Variants in AACS observed in about 807,000 individuals in gnomAD.
AACS encodes the protein acetoacetate-CoA ligase.
A neutral mutation model predicts 83.1 loss-of-function variants in AACS; 69 were observed. The observed-to-expected ratio is 0.83, with a 90% CI of 0.68 to 1.01. The LOEUF (loss-of-function observed/expected upper bound fraction) is 1.01. AACS is among the 50% of genes least tolerant of loss of function. AACS has a pLI of 0.00. For missense variants in AACS, 866 were observed against 882.2 expected, an observed-to-expected ratio of 0.98 and a Z score of 0.23; for synonymous variants, 333 against 343.4, an observed-to-expected ratio of 0.97 and a Z score of 0.33.
chr12:125,135,173 C>T (rs369216557), intron 16 of AACS, among the ~76,000 whole-genome samples: 2 of 150,372 alleles, frequency 1.3e-5, no homozygotes, highest in East Asian at 3.9e-4. Context: ...CTCGCTGTGT[C>T]ACCCAGGCTG....
intron 17 of AACS, chr12:125,138,473 G>A (rs1957431379): frequency 6.6e-6 from 1 of 152,142 alleles, no homozygotes; most frequent in African/African-American, 2.4e-5. Flanking sequence ...AATCAGTGCT[G>A]TCTTATCTGG....
chr12:125,131,561 T>C (rs1364408519), intron 14 of AACS, among the ~76,000 whole-genome samples: 1 of 152,136 alleles, frequency 6.6e-6, no homozygotes, highest in Non-Finnish European at 1.5e-5. Context: ...TGTGAATAAA[T>C]GAATAATGAG....
intron 5 of AACS, among the ~76,000 whole-genome samples, chr12:125,092,264 G>A (rs1471454233): frequency 6.6e-6 from 1 of 152,218 alleles, no homozygotes; most frequent in Non-Finnish European, 1.5e-5. Flanking sequence ...GTCCCTGACC[G>A]CTCCTCCTGG....
rs1189962745 is a variant in AACS, at chr12:125,103,094, ATTC to A, written c.767+15_767+17del. 6.2e-7 allele frequency: 1 copy of A among 1,611,790 alleles called. No homozygotes were observed. The highest frequency in any genetic ancestry group is 8.5e-7 in the Non-Finnish European group (1 of 1,178,798). ...AGATTCCAAACAGGTAATGTACCGC[ATTC>A]TGACCCACAGGTCCGTGTGGACCCA... is the stretch of plus-strand genomic sequence containing the variant. On this transcript the variant is annotated intron_variant, in intron 7 of 17. Coordinates refer to ENST00000316519, the MANE Select transcript of AACS (RefSeq NM_023928.5).
chr12:125,090,349 C>G (rs959003126), intron 4 of AACS, among the ~76,000 whole-genome samples: 4 of 151,224 alleles, frequency 2.6e-5, no homozygotes, highest in Admixed American at 6.6e-5. Context: ...CTCCACCTAC[C>G]CATTTATCCG....
In AACS at chr12:125,102,373, C is replaced by T. The variant is rs540952573; in HGVS notation, c.571-306C>T. On this transcript the variant is annotated intron_variant, in intron 5 of 17. Transcript: ENST00000316519. ...CCTCATCGACTTTCTTTATTGGCTA[C>T]GGGTGCTGGGGACACAGGGACCTGG... 25 of 296,272 alleles carry T rather than the reference C, an allele frequency of 8.4e-5. 1 individual carries two copies. Among genetic ancestry groups the T allele is most frequent in the South Asian group, 2.5e-4 (7 of 28,434 alleles). The allele number at this position is 296,272 out of a possible 1,614,324, so 18.4% of individuals were successfully genotyped here. A position where few individuals can be genotyped will look rare whatever the true frequency, so the allele number is the denominator to read the frequency against.
chr12:125,109,454 G>A (rs1284340307), intron 8 of AACS, among the ~76,000 whole-genome samples: 2 of 152,108 alleles, frequency 1.3e-5, no homozygotes, highest in South Asian at 2.1e-4. Context: ...AGCCTCTTTC[G>A]CCTTCTTTCT....
chr12:125,074,304 C>A (rs774588254), intron 2 of AACS, among the ~76,000 whole-genome samples: 1 of 152,060 alleles, frequency 6.6e-6, no homozygotes, highest in African/African-American at 2.4e-5. Context: ...ATAATCCCAG[C>A]ACTCTGACAG....
intron 17 of AACS, 110 bp downstream of exon 17, chr12:125,136,974 C>G: frequency 8.6e-7 from 1 of 1,156,788 alleles, no homozygotes; most frequent in Non-Finnish European, 1.2e-6. Context: ...TATCGTTTGT[C>G]CACGTTGCCT....
chr12:125,125,894 G>A (rs137967534), intron 12 of AACS: 3 of 152,146 alleles, frequency 2.0e-5, no homozygotes, highest in African/African-American at 7.2e-5. Flanking sequence ...GGTATATATG[G>A]ATGTGTACAT....
At chr12:125,088,219 G>A (rs987203175) in intron 4 of AACS, among the ~76,000 whole-genome samples, 1 of 150,344 alleles carries the variant, frequency 6.7e-6, no homozygotes, top group Non-Finnish European at 1.5e-5. Context: ...GATCATCAGA[G>A]CAGACTTTTT....
At chr12:125,104,913 C>T (rs1956799679) in intron 7 of AACS, among the ~76,000 whole-genome samples, 1 of 150,216 alleles carries the variant, frequency 6.7e-6, no homozygotes, top group Non-Finnish European at 1.5e-5. Context: ...GTGCCAGCAT[C>T]TGCTTCTGGG....
rs1352313339 is a variant in AACS at position 125,142,123 on chromosome 12, C to T, written c.1913C>T (p.Ala638Val). 3 of 1,614,008 alleles carry T rather than the reference C, an allele frequency of 1.9e-6. No individual in the cohort carries two copies. Among genetic ancestry groups the T allele is most frequent in the Non-Finnish European group, 2.5e-6 (3 of 1,180,044 alleles). ...CTCAACGGCAAGAAAGTGGAAGTTG[C>T]CGTCAAACAGATCATCGCTGGAAAA... The part of the protein sequence containing the change: ...YTLNGKKVEV[A>V]VKQIIAGKAV... The change falls in exon 18 of 18, where the codon GCC (alanine) becomes GTC (valine). Residue 638 changes from alanine (A) to valine (V), a missense_variant. Physicochemically the swap from Ala to Val is moderately conservative, Grantham distance 64 (BLOSUM62 0). Transcript: ENST00000316519.
chr12:125,104,723 C>T (rs1956795296), intron 7 of AACS, among the ~76,000 whole-genome samples: 1 of 152,216 alleles, frequency 6.6e-6, no homozygotes, highest in South Asian at 2.1e-4. Flanking sequence ...CAGCTCTCAG[C>T]TGTGTGACCC....
At position 125,107,149 on chromosome 12, in the gene AACS, G is replaced by A. The variant is rs139116253; in HGVS notation, c.796G>A (p.Gly266Ser). 5.7e-5 allele frequency: 92 copies of A among 1,614,140 alleles called. 2 individuals carry two copies. The highest frequency in any genetic ancestry group is 3.3e-4 in the Middle Eastern group (2 of 6,062). Reference sequence around the variant, plus strand: ...GTTTCTGGATGACTTTCTTGCCACCGGCACCAGTGAGCAGGCCCCGCAGCT... The same window carrying A: ...GTTTCTGGATGACTTTCTTGCCACCAGCACCAGTGAGCAGGCCCCGCAGCT... ...SVFLDDFLAT[G>S]TSEQAPQLEF... The change falls in exon 8 of 18, where the codon GGC becomes AGC. Residue 266 changes from glycine (G) to serine (S), a missense_variant. By Grantham distance (56) the Gly-to-Ser change is moderately conservative. Transcript: ENST00000316519.
intron 14 of AACS, among the ~76,000 whole-genome samples, chr12:125,131,396 G>C (rs887863604): frequency 6.6e-6 from 1 of 152,168 alleles, no homozygotes; most frequent in East Asian, 1.9e-4. Context: ...ATTTTTTGTA[G>C]AGATGAGGTC....
intron 14 of AACS, among the ~76,000 whole-genome samples, chr12:125,131,097 A>AT (rs1957323582): frequency 6.6e-6 from 1 of 152,262 alleles, no homozygotes; most frequent in Non-Finnish European, 1.5e-5. Flanking sequence ...ACCTTAAAAA[A>AT]TGATGCCAGG....
intron 3 of AACS, among the ~76,000 whole-genome samples, chr12:125,081,002 T>A (rs924696475): frequency 3.5e-5 from 5 of 142,786 alleles, no homozygotes; most frequent in African/African-American, 1.3e-4. Context: ...TTTTATTTTA[T>A]TTTATTTTGA....
At chr12:125,111,386 T>C (rs1339698891) in intron 8 of AACS, among the ~76,000 whole-genome samples, 1 of 152,368 alleles carries the variant, frequency 6.6e-6, no homozygotes, top group African/African-American at 2.4e-5. Flanking sequence ...TTATTTTTAG[T>C]GCTCTTTGCA....
Sources: gnomAD v4.1 joint callset for allele counts (sites outside exome capture counted in the v4.1 genomes callset) on GRCh38, gnomAD v4.1.1 for gene constraint, MANE v1.5 for transcripts, NCBI Gene and HGNC (gene_info 2026-07-23, HGNC 2026-07-21) for gene names.